The following ATG4A variants were observed in gnomAD, a reference collection of about 807,000 sequenced individuals.
ATG4A encodes the protein autophagy related 4A cysteine peptidase.
In ATG4A, 22 loss-of-function variants were observed where a neutral mutation model predicts 38.4. The observed-to-expected ratio is 0.57, with a 90% CI of 0.41 to 0.82. The LOEUF is 0.82. Among genes scored for constraint, ATG4A ranks in the 40% least tolerant of loss-of-function variants. The pLI is 0.00. For missense variants in ATG4A, 220 were observed against 290.0 expected, an observed-to-expected ratio of 0.76 and a Z score of 1.75; for synonymous variants, 86 against 100.7, an observed-to-expected ratio of 0.85 and a Z score of 0.88.
At chrX:108,100,325 A>G (rs1288174172) in intron 1 of ATG4A, among the ~76,000 whole-genome samples, 3 of 111,611 alleles carry the variant, frequency 2.7e-5, no homozygotes, top group East Asian at 5.6e-4. Flanking sequence ...TGCTGAATTC[A>G]CTGATTAGTT....
At chrX:108,122,660 C>G (rs184174261) in intron 1 of ATG4A, among the ~76,000 whole-genome samples, 6 of 111,665 alleles carry the variant, frequency 5.4e-5, no homozygotes, top group Non-Finnish European at 9.4e-5. Context: ...GAAGACCCCC[C>G]ACTTGTAAGA....
At chrX:108,134,266 C>A in intron 5 of ATG4A, 73 bp from the exon 6 acceptor site, 2 of 1,157,332 alleles carry the variant, frequency 1.7e-6, no homozygotes, top group Non-Finnish European at 2.3e-6. Flanking sequence ...ATTATTTATG[C>A]AAAAAATTAA....
upstream of ATG4A, chrX:108,091,414 G>A (rs2031614504): frequency 8.3e-7 from 1 of 1,210,456 alleles, no homozygotes; most frequent in Non-Finnish European, 1.1e-6. Flanking sequence ...TACCTGGTCA[G>A]TTCTAGTAGC....
chrX:108,113,963 G>T lies in ATG4A; in HGVS notation c.11-12114G>T, dbSNP rs1444211947. On this transcript the variant is annotated intron_variant, in intron 1 of 12. Coordinates refer to ENST00000372232, the MANE Select transcript of ATG4A (RefSeq NM_052936.5). ...ATGCAGTTCAAAGTTCTAGATTAGG[G>T]AACTAAATCTAGAACTTTGGCTAGA... is the stretch of plus-strand genomic sequence containing the variant. Among the ~76,000 whole-genome samples, 3 of 111,960 alleles carry T rather than the reference G, an allele frequency of 2.7e-5. No individual in the cohort carries two copies. In the Admixed American group the frequency reaches 2.8e-4, roughly 11 times the overall value.
chrX:108,152,771 G>A (rs1049338104), intron 11 of ATG4A, among the ~76,000 whole-genome samples: 5 of 111,204 alleles, frequency 4.5e-5, no homozygotes, highest in Admixed American at 9.6e-5. Flanking sequence ...GATACTCCCC[G>A]CAAAGTCCTT....
intron 1 of ATG4A, among the ~76,000 whole-genome samples, chrX:108,096,835 T>C (rs972908929): frequency 2.7e-5 from 3 of 110,388 alleles, no homozygotes; most frequent in Non-Finnish European, 5.7e-5. Context: ...CTCTTCTCTT[T>C]TGTGGCTGGC....
At chrX:108,141,039 CATATATATACATATATACGT>C (rs1569311602) in intron 9 of ATG4A, among the ~76,000 whole-genome samples, 4 of 49,432 alleles carry the variant, frequency 8.1e-5, no homozygotes, top group African/African-American at 1.0e-4. Flanking sequence ...TACATATATA[CATATATATACATATATACGT>C]GTATATATAT....
intron 1 of ATG4A, among the ~76,000 whole-genome samples, chrX:108,119,836 G>A (rs1350872709): frequency 8.9e-6 from 1 of 111,983 alleles, no homozygotes; most frequent in Non-Finnish European, 1.9e-5. Context: ...TATTCATTTT[G>A]ATTAAATATT....
intron 9 of ATG4A, among the ~76,000 whole-genome samples, chrX:108,149,514 A>T (rs774806766): frequency 1.8e-5 from 2 of 112,962 alleles, no homozygotes; most frequent in South Asian, 7.2e-4. Context: ...AGTGAGCTGT[A>T]TCTGTACTGA....
At chrX:108,126,687 C>G (rs1006756927) in intron 2 of ATG4A, 12 of 863,605 alleles carry the variant, frequency 1.4e-5, no homozygotes, top group South Asian at 1.1e-4. Context: ...TTTTGCTGAC[C>G]GTAGCACTGT....
Position 108,091,807 on chromosome X carries a change from C to T in ATG4A, c.-20C>T, listed in dbSNP as rs1308951275. On this transcript the variant is annotated 5_prime_UTR_variant, in exon 1 of 13. Coordinates refer to ENST00000372232, the MANE Select transcript of ATG4A (RefSeq NM_052936.5). ...GTAGTCAAGTTGCCGGTGGAATTGG[C>T]CCAGGATGACAGCTGGAGAATGGAG... The T allele has an allele frequency of 4.1e-6, 5 of 1,211,427 alleles. No individual in the cohort carries two copies. The highest frequency in any genetic ancestry group is 5.6e-6 in the Non-Finnish European group (5 of 895,288).
intron 1 of ATG4A, among the ~76,000 whole-genome samples, chrX:108,121,129 G>C (rs1159573057): frequency 9.0e-6 from 1 of 111,539 alleles, no homozygotes; most frequent in Non-Finnish European, 1.9e-5. Context: ...TCACAGGGTG[G>C]AAGACAAATG....
At chrX:108,100,155 C>G (rs1569299317) in intron 1 of ATG4A, among the ~76,000 whole-genome samples, 1 of 111,257 alleles carries the variant, frequency 9.0e-6, no homozygotes, top group Non-Finnish European at 1.9e-5. Context: ...CAATTTTCAG[C>G]ATAGAAATCT....
At chrX:108,141,322 G>A (rs920451294) in intron 9 of ATG4A, among the ~76,000 whole-genome samples, 15 of 107,342 alleles carry the variant, frequency 1.4e-4, no homozygotes, top group African/African-American at 5.1e-4. Context: ...GCTGAGTGGT[G>A]TCCACAGAAT....
intron 8 of ATG4A, 40 bp downstream of exon 8, chrX:108,138,031 A>G: frequency 8.4e-7 from 1 of 1,197,249 alleles, no homozygotes; most frequent in Non-Finnish European, 1.1e-6. Flanking sequence ...CTGCCTGCCC[A>G]TCACACCGCC....
chrX:108,130,990 C>T (rs977713549), intron 3 of ATG4A, among the ~76,000 whole-genome samples: 6 of 111,436 alleles, frequency 5.4e-5, no homozygotes, highest in African/African-American at 2.0e-4. Context: ...GCATGTATAC[C>T]TAGAAGTCTT....
At chrX:108,109,690 A>G (rs189639773) in intron 1 of ATG4A, among the ~76,000 whole-genome samples, 3 of 112,257 alleles carry the variant, frequency 2.7e-5, no homozygotes, top group East Asian at 5.6e-4. Context: ...ATACTTCTGT[A>G]TGTGGATATC....
chrX:108,145,418 G>A (rs924415421), intron 9 of ATG4A, among the ~76,000 whole-genome samples: 3 of 112,820 alleles, frequency 2.7e-5, no homozygotes, highest in African/African-American at 9.7e-5. Context: ...AAAGGCATTT[G>A]CCAAGTCAAT....
In ATG4A at chrX:108,124,566, T is replaced by C. The variant is rs181260407; in HGVS notation, c.11-1511T>C. Among the ~76,000 whole-genome samples, 20 of 110,419 alleles carry C rather than the reference T, an allele frequency of 1.8e-4. No homozygotes were observed. In the East Asian group the frequency reaches 3.4e-3, roughly 19 times the overall value. On this transcript the variant is annotated intron_variant, in intron 1 of 12. Transcript: ENST00000372232. Reference sequence around the variant, plus strand: ...TCCTGGGTTCAAGCGACTCTCCTGCTTCAGCCTCCCGAGTAGCTGGGACTA... The same window carrying C: ...TCCTGGGTTCAAGCGACTCTCCTGCCTCAGCCTCCCGAGTAGCTGGGACTA...
Sources: allele counts gnomAD v4.1 joint callset (sites outside exome capture counted in the v4.1 genomes callset), GRCh38; gene constraint gnomAD v4.1.1; transcripts MANE v1.5; gene names NCBI Gene and HGNC (gene_info 2026-07-23, HGNC 2026-07-21).